Variants in TAF7L observed in about 807,000 individuals in gnomAD.
TAF7L encodes transcription initiation factor TFIID subunit 7-like.
Under a neutral mutation model 30.2 loss-of-function variants are expected in TAF7L, and 6 were observed. The observed-to-expected ratio is 0.20, with a 90% CI of 0.11 to 0.39. The LOEUF (loss-of-function observed/expected upper bound fraction) is 0.39. Ranked by LOEUF, TAF7L falls within the 10% of genes least tolerant of loss-of-function variation. The pLI is 1.00. For missense variants in TAF7L, 284 were observed against 277.1 expected (o/e 1.03, Z -0.18); for synonymous variants, 93 against 94.5 (o/e 0.98, Z 0.09).
At chrX:101,291,430 C>T (rs1924798446), upstream of TAF7L, 1 of 291,876 alleles carries the variant, frequency 3.4e-6, no homozygotes, top group African/African-American at 2.9e-5. Context: ...CGGACTGGAG[C>T]ACGACTTCGA....
intron 3 of TAF7L, among the ~76,000 whole-genome samples, chrX:101,284,443 C>G (rs188091124): frequency 1.3e-3 from 149 of 112,337 alleles, no homozygotes; most frequent in African/African-American, 4.6e-3. Context: ...CTGCTCACTG[C>G]AATCTCCGCC....
chrX:101,282,696 T>A (rs920397426), intron 4 of TAF7L, among the ~76,000 whole-genome samples: 1 of 110,844 alleles, frequency 9.0e-6, no homozygotes, highest in Admixed American at 9.7e-5. Context: ...TTTTGTTTTT[T>A]TTTTTCCACG....
rs769202534 is a variant in TAF7L at position 101,269,203 on chromosome X, A to G, written c.1121T>C (p.Leu374Pro). The G allele has an allele frequency of 1.2e-5, 15 of 1,208,124 alleles. No individual in the cohort carries two copies. The highest frequency in any genetic ancestry group is 5.3e-5 in the South Asian group (3 of 56,303). Residue 374 changes from leucine (L) to proline (P), a missense_variant, in exon 13 of 13, where the codon CTG (leucine) becomes CCG (proline). Leu to Pro is a moderately conservative substitution (Grantham distance 98, BLOSUM62 -3). Coordinates refer to ENST00000356784, the MANE Select transcript of TAF7L (RefSeq NM_001168474.2). ...ISLQEQLQRF[L>P]KK is the part of the protein sequence containing the mutation. ...CGCCAATGGCTCTCCTCACTTCTTC[A>G]GAAAACGCTGCAACTGTTCCTGTAG...
intron 2 of TAF7L, 58 bp downstream of exon 2, chrX:101,287,420 T>C: frequency 1.1e-6 from 1 of 872,275 alleles, no homozygotes; most frequent in Non-Finnish European, 1.6e-6. Flanking sequence ...CAAGTAGAAC[T>C]ATAATTATAA....
intron 1 of TAF7L, among the ~76,000 whole-genome samples, chrX:101,288,550 C>T (rs983068332): frequency 9.5e-5 from 10 of 105,396 alleles, no homozygotes; most frequent in African/African-American, 1.4e-4. Flanking sequence ...TTCGTTACTA[C>T]CCTTTCATTC....
intron 6 of TAF7L, among the ~76,000 whole-genome samples, chrX:101,279,626 AT>A (rs1924333601): frequency 5.2e-5 from 4 of 77,495 alleles, no homozygotes; most frequent in Admixed American, 4.0e-4. Context: ...ATCTCAAAAA[AT>A]AAATAAATAA....
At position 101,276,319 on chromosome X, in the gene TAF7L, T is replaced by A; in HGVS notation, c.901A>T (p.Thr301Ser). 8.3e-7 allele frequency: 1 copy of A among 1,211,216 alleles called. No homozygotes were observed. The highest frequency in any genetic ancestry group is 3.0e-5 in the East Asian group (1 of 33,800). ...TTTTCTGACTTACCTATTGAACTGG[T>A]ACCTTCATTTGCCCTATACTGGCCA... ...ESGQYRANEG[T>S]SSIVMEIQKQ... Residue 301 changes from threonine to serine, a missense_variant, in exon 10 of 13, where the codon ACC becomes TCC. Thr to Ser is a moderately conservative substitution (Grantham distance 58, BLOSUM62 1). Transcript: ENST00000356784.
At chrX:101,283,203 TAATG>T (rs200179728) in intron 4 of TAF7L, among the ~76,000 whole-genome samples, 1,591 of 112,176 alleles carry the variant, frequency 0.014, 19 homozygotes, top group Non-Finnish European at 0.019. Flanking sequence ...ATGTTTCAAT[TAATG>T]AAAAGTCACT....
chrX:101,278,080 C>A lies in TAF7L; in HGVS notation c.546G>T (p.Leu182=). The change falls in exon 8 of 13, where the codon CTG becomes CTT. Residue 182 remains leucine (L), a synonymous_variant. Coordinates refer to ENST00000356784, the MANE Select transcript of TAF7L (RefSeq NM_001168474.2). ...SPDVENEVKR[L]LRSDAEAVST... is the part of the protein sequence containing the mutation. ...TTACGGCTTCAGCATCCGAACGCAG[C>A]AGTCTCTTTACTTCATTTTCCACGT... The A allele has an allele frequency of 1.7e-6, 2 of 1,211,185 alleles. No homozygotes were observed. The highest frequency in any genetic ancestry group is 2.3e-4 in the Middle Eastern group (1 of 4,354).
At chrX:101,280,228 G>A (rs948099475) in intron 6 of TAF7L, among the ~76,000 whole-genome samples, 2 of 111,424 alleles carry the variant, frequency 1.8e-5, no homozygotes, top group African/African-American at 3.3e-5. Context: ...TACAGACTGG[G>A]AGAATATATT....
rs771483267 is a variant in TAF7L, at chrX:101,287,284, T to C, written c.66+194A>G. ...AATCAACCTGCATGATAGGTGGTAT[T>C]GTACAGGAGGAAAAAATGCTGCCAA... is the stretch of plus-strand genomic sequence containing the variant. On this transcript the variant is annotated intron_variant, in intron 2 of 12. Coordinates refer to ENST00000356784, the MANE Select transcript of TAF7L (RefSeq NM_001168474.2). 3.6e-4 allele frequency among the ~76,000 whole-genome samples: 40 copies of C among 111,233 alleles called. No individual in the cohort carries two copies. In the South Asian group the frequency reaches 0.015, roughly 41 times the overall value.
Position 101,281,483 on chromosome X carries a change from T to C in TAF7L, c.462+237A>G, listed in dbSNP as rs1271412052. Among the ~76,000 whole-genome samples, 5 of 111,789 alleles carry C rather than the reference T, an allele frequency of 4.5e-5. No individual in the cohort carries two copies. In the South Asian group the frequency reaches 1.1e-3, roughly 25 times the overall value. ...AGCATTAACAGAAGTTTCAAATGTA[T>C]GATTCTTCCAGACCCCAAATGACTA... On this transcript the variant is annotated intron_variant, in intron 6 of 12. Coordinates refer to ENST00000356784, the MANE Select transcript of TAF7L (RefSeq NM_001168474.2).
intron 12 of TAF7L, among the ~76,000 whole-genome samples, chrX:101,270,144 G>C (rs1923921379): frequency 9.0e-6 from 1 of 111,642 alleles, no homozygotes; most frequent in African/African-American, 3.3e-5. Flanking sequence ...TTGTGGTATA[G>C]GATTTACTTT....
At chrX:101,273,478 A>G (rs1271095519) in intron 12 of TAF7L, among the ~76,000 whole-genome samples, 1 of 111,191 alleles carries the variant, frequency 9.0e-6, no homozygotes, top group Non-Finnish European at 1.9e-5. Context: ...AGTCCCAGTT[A>G]CTTGGGAGGC....
In TAF7L at chrX:101,277,689, T is replaced by C. The variant is rs200099995; in HGVS notation, c.608A>G (p.Lys203Arg). 9 of 1,201,418 alleles carry C rather than the reference T, an allele frequency of 7.5e-6. No individual in the cohort carries two copies. In the Admixed American group the frequency reaches 1.4e-4, roughly 18 times the overall value. ...GATGGAGCCTTGACTTTCTATTTCC[T>C]TGGTTCCATCTTCAGCAATGACTTC... ...RWEVIAEDGT[K>R]EIESQGSIPG... Residue 203 changes from lysine (K) to arginine (R), a missense_variant, in exon 9 of 13, where the codon AAG becomes AGG. Transcript: ENST00000356784.
intron 3 of TAF7L, among the ~76,000 whole-genome samples, chrX:101,284,925 TA>T (rs1924529813): frequency 9.0e-6 from 1 of 111,541 alleles, no homozygotes; most frequent in African/African-American, 3.3e-5. Context: ...AAATGGCCTC[TA>T]GATTCATCCA....
At chrX:101,279,484 G>A (rs1324201233) in intron 6 of TAF7L, among the ~76,000 whole-genome samples, 1 of 110,973 alleles carries the variant, frequency 9.0e-6, no homozygotes, top group Admixed American at 9.6e-5. Context: ...AGCCGGGCAT[G>A]GTGGCCCATG....
intron 12 of TAF7L, among the ~76,000 whole-genome samples, chrX:101,274,212 A>T (rs142075753): frequency 0.015 from 1,529 of 104,296 alleles, 35 homozygotes; most frequent in African/African-American, 0.053. Context: ...ATGTCATTTC[A>T]TTATAATTTT....
At position 101,276,376 on chromosome X, in the gene TAF7L, C is replaced by G; in HGVS notation, c.844G>C (p.Glu282Gln). 8.3e-7 allele frequency: 1 copy of G among 1,211,530 alleles called. No homozygotes were observed. The highest frequency in any genetic ancestry group is 3.0e-5 in the East Asian group (1 of 33,829). ...EEEDCSEEYL[E>Q]RQLQAEFIES... ...ATAAACTCGGCCTGCAGCTGCCTTTCCAGATACTCTTCAGAACAATCTTCC... is the reference window on the plus strand; with the variant it reads ...ATAAACTCGGCCTGCAGCTGCCTTTGCAGATACTCTTCAGAACAATCTTCC... Residue 282 changes from glutamate (E) to glutamine (Q), a missense_variant, in exon 10 of 13, where the codon GAA becomes CAA. By Grantham distance (29) the Glu-to-Gln change is conservative. Coordinates refer to ENST00000356784, the MANE Select transcript of TAF7L (RefSeq NM_001168474.2).
Sources: allele counts gnomAD v4.1 joint callset (sites outside exome capture counted in the v4.1 genomes callset), GRCh38; gene constraint gnomAD v4.1.1; transcripts MANE v1.5; gene names NCBI Gene and HGNC (gene_info 2026-07-23, HGNC 2026-07-21).